PCDH9: variants seen among roughly 807,000 people sequenced by gnomAD.
The protein encoded by PCDH9 is protocadherin-9.
Under a neutral mutation model 70.6 loss-of-function variants are expected in PCDH9, and 24 were observed. The ratio of observed to expected loss-of-function variants is 0.34; its 90% CI spans 0.25 to 0.48. The LOEUF is 0.48. Ranked by LOEUF, PCDH9 falls within the 20% of genes least tolerant of loss-of-function variation. The pLI is 0.99. For missense variants in PCDH9, 1,281 were observed against 1,503.6 expected (o/e 0.85, Z 2.45); for synonymous variants, 562 against 558.5 (o/e 1.01, Z -0.09).
intron 2 of PCDH9, among the ~76,000 whole-genome samples, chr13:67,171,351 AG>A (rs1250932438): frequency 4.6e-5 from 7 of 152,304 alleles, no homozygotes; most frequent in African/African-American, 1.7e-4. Context: ...GTGGCATTGG[AG>A]GTCTAACCTC....
At chr13:67,229,142 T>C (rs1421897625) in intron 1 of PCDH9, among the ~76,000 whole-genome samples, 2 of 151,562 alleles carry the variant, frequency 1.3e-5, no homozygotes, top group Admixed American at 6.6e-5. Flanking sequence ...TCAGAAGCAA[T>C]AGTCACCGGC....
intron 3 of PCDH9, among the ~76,000 whole-genome samples, chr13:66,824,914 G>A (rs1051392223): frequency 1.3e-5 from 2 of 151,526 alleles, no homozygotes; most frequent in Non-Finnish European, 2.9e-5. Flanking sequence ...TTTTGTAGCT[G>A]TTTTCGTGTC....
intron 4 of PCDH9, among the ~76,000 whole-genome samples, chr13:66,510,732 G>A (rs1593598374): frequency 6.6e-6 from 1 of 152,052 alleles, no homozygotes; most frequent in Non-Finnish European, 1.5e-5. Context: ...GTGTATATTT[G>A]CCACATTTTC....
At chr13:66,542,434 G>GT (rs1961000821) in intron 4 of PCDH9, among the ~76,000 whole-genome samples, 1 of 151,756 alleles carries the variant, frequency 6.6e-6, no homozygotes, top group African/African-American at 2.4e-5. Context: ...ACTAATGTGG[G>GT]TGTGCCTTGT....
chr13:66,573,750 T>TTTGC (rs2138752850), intron 4 of PCDH9, among the ~76,000 whole-genome samples: 1 of 152,128 alleles, frequency 6.6e-6, no homozygotes, highest in East Asian at 1.9e-4. Flanking sequence ...TGTTTGTTTG[T>TTTGC]TTGTTTGTTT....
intron 4 of PCDH9, among the ~76,000 whole-genome samples, chr13:66,500,482 T>C (rs1186195990): frequency 2.0e-5 from 3 of 152,110 alleles, no homozygotes; most frequent in Non-Finnish European, 4.4e-5. Context: ...TAAATTTTTT[T>C]AACAGGATAA....
intron 4 of PCDH9, among the ~76,000 whole-genome samples, chr13:66,485,224 T>C (rs1958917756): frequency 6.6e-6 from 1 of 152,220 alleles, no homozygotes; most frequent in South Asian, 2.1e-4. Context: ...CACTATGCAA[T>C]GGAAACATGT....
chr13:66,395,302 A>C (rs1170690608), intron 4 of PCDH9, among the ~76,000 whole-genome samples: 2 of 152,272 alleles, frequency 1.3e-5, no homozygotes, highest in East Asian at 3.9e-4. Flanking sequence ...ACAAAGTTGG[A>C]AATAAATAAA....
intron 3 of PCDH9, among the ~76,000 whole-genome samples, chr13:66,655,776 A>T (rs559804584): frequency 2.6e-5 from 4 of 152,310 alleles, no homozygotes; most frequent in Admixed American, 2.6e-4. Context: ...TAAATCAAAA[A>T]ACATCCTAAA....
chr13:66,368,778 C>T (rs971419321), intron 4 of PCDH9, among the ~76,000 whole-genome samples: 6 of 151,926 alleles, frequency 3.9e-5, no homozygotes, highest in Admixed American at 1.3e-4. Flanking sequence ...GCTGGGAGGC[C>T]TTATAATTGG....
At chr13:66,964,695 C>T (rs1176376471) in intron 2 of PCDH9, among the ~76,000 whole-genome samples, 1 of 151,744 alleles carries the variant, frequency 6.6e-6, no homozygotes, top group African/African-American at 2.4e-5. Context: ...CCTTTCTTGG[C>T]AAAATGTCTG....
At chr13:66,345,719 C>G (rs1210018585) in intron 4 of PCDH9, among the ~76,000 whole-genome samples, 1 of 152,180 alleles carries the variant, frequency 6.6e-6, no homozygotes, top group Non-Finnish European at 1.5e-5. Flanking sequence ...GCTGTCCAAT[C>G]CAGAGATGCG....
At chr13:66,997,685 T>G (rs997028275) in intron 2 of PCDH9, among the ~76,000 whole-genome samples, 3 of 151,940 alleles carry the variant, frequency 2.0e-5, no homozygotes. Flanking sequence ...CGGGCGCACA[T>G]CACCATGCCT....
chr13:67,055,422 A>G (rs900270488), intron 2 of PCDH9, among the ~76,000 whole-genome samples: 4 of 152,156 alleles, frequency 2.6e-5, no homozygotes, highest in Non-Finnish European at 4.4e-5. Flanking sequence ...ACATTCACTG[A>G]GTGTCTTTAA....
intron 2 of PCDH9, among the ~76,000 whole-genome samples, chr13:66,926,962 G>A (rs963063147): frequency 1.2e-4 from 19 of 152,058 alleles, no homozygotes; most frequent in Admixed American, 1.2e-3. Flanking sequence ...AATAACATTA[G>A]TATGGCCTTC....
intron 3 of PCDH9, among the ~76,000 whole-genome samples, chr13:66,730,252 G>A (rs2079055160): frequency 6.6e-6 from 1 of 151,912 alleles, no homozygotes; most frequent in South Asian, 2.1e-4. Context: ...ATATTGACAA[G>A]CTTTCCTGTC....
chr13:66,530,232 TG>T, intron 4 of PCDH9, among the ~76,000 whole-genome samples: 1 of 152,078 alleles, frequency 6.6e-6, no homozygotes, highest in East Asian at 1.9e-4. Context: ...TTATAAATAC[TG>T]TCACAGCAGG....
intron 2 of PCDH9, among the ~76,000 whole-genome samples, chr13:66,909,070 GC>G (rs1239770520): frequency 6.6e-6 from 1 of 151,402 alleles, no homozygotes; most frequent in African/African-American, 2.4e-5. Flanking sequence ...TTTTTTAATT[GC>G]TTTTTTGAGT....
chr13:66,823,672 G>T (rs1043054417), intron 3 of PCDH9, among the ~76,000 whole-genome samples: 1 of 151,876 alleles, frequency 6.6e-6, no homozygotes, highest in Admixed American at 6.6e-5. Context: ...TTTGAGATAC[G>T]GCTAAAAACT....
Sources: gnomAD v4.1 joint callset for allele counts (sites outside exome capture counted in the v4.1 genomes callset) on GRCh38, gnomAD v4.1.1 for gene constraint, MANE v1.5 for transcripts, NCBI Gene and HGNC (gene_info 2026-07-23, HGNC 2026-07-21) for gene names.